The following FGD3 variants were observed in gnomAD, a reference collection of about 807,000 sequenced individuals.
FGD3 encodes FYVE, RhoGEF and PH domain-containing protein 3.
In FGD3, 45 loss-of-function variants were observed where a neutral mutation model predicts 71.8. The ratio of observed to expected loss-of-function variants is 0.63; its 90% confidence interval spans 0.49 to 0.80. FGD3 has a LOEUF of 0.80. FGD3 is among the 30% of genes least tolerant of loss of function. FGD3 has a pLI of 0.00. For missense variants in FGD3, 844 were observed against 951.5 expected, an observed-to-expected ratio of 0.89 and a Z score of 1.49; for synonymous variants, 378 against 392.8, an observed-to-expected ratio of 0.96 and a Z score of 0.44.
chr9:93,004,091 G>C lies in FGD3; in HGVS notation c.634G>C (p.Gly212Arg), dbSNP rs1221409347. 6.2e-7 allele frequency: 1 copy of C among 1,614,036 alleles called. No homozygotes were observed. Residue 212 changes from glycine (G) to arginine (R), a missense_variant, in exon 5 of 18, where the codon GGG becomes CGG. Coordinates refer to ENST00000375482, the MANE Select transcript of FGD3 (RefSeq NM_001083536.2). Reference sequence around the variant, plus strand: ...CATCTCCTCCATCCACCGCTTCCACGGGCAGTTCCTGCTGCCGGAGCTGAA... The same window carrying C: ...CATCTCCTCCATCCACCGCTTCCACCGGCAGTTCCTGCTGCCGGAGCTGAA... Reference protein sequence around the residue: ...SNISSIHRFHGQFLLPELKTR... With the variant: ...SNISSIHRFHRQFLLPELKTR...
intron 14 of FGD3, 40 bp from the exon 15 acceptor site, chr9:93,029,834 A>C (rs1458119796): frequency 1.3e-6 from 2 of 1,599,932 alleles, no homozygotes; most frequent in Non-Finnish European, 1.7e-6. Context: ...GGGTGCACAC[A>C]TGATTCAGAA....
chr9:92,969,143 G>C lies in FGD3; in HGVS notation c.-217-6095G>C, dbSNP rs1041284986. On this transcript the variant is annotated intron_variant, in intron 1 of 17. Coordinates refer to ENST00000375482, the MANE Select transcript of FGD3 (RefSeq NM_001083536.2). The surrounding 1 kb of genome is among the most constrained non-coding windows in gnomAD (Gnocchi z 4.5). ...CTATCACAGGGTAACCCACAAGGGA[G>C]ATCTTGTCGTCATCATCCCTCATGA... Among the ~76,000 whole-genome samples, 1 of 152,272 alleles carries C rather than the reference G, an allele frequency of 6.6e-6. No individual in the cohort carries two copies. Among genetic ancestry groups the C allele is most frequent in the Admixed American group, 6.5e-5 (1 of 15,282 alleles).
At chr9:92,991,610 G>C (rs1234210694) in intron 3 of FGD3, among the ~76,000 whole-genome samples, 2 of 152,134 alleles carry the variant, frequency 1.3e-5, no homozygotes, top group African/African-American at 2.4e-5. Context: ...GGGTACATGA[G>C]AAGAATGTGT....
intron 2 of FGD3, among the ~76,000 whole-genome samples, chr9:92,975,967 C>T (rs1484439179): frequency 2.6e-5 from 4 of 152,122 alleles, no homozygotes; most frequent in South Asian, 4.1e-4. Flanking sequence ...TTTTTTTATG[C>T]GGAACAAACA....
intron 3 of FGD3, among the ~76,000 whole-genome samples, chr9:92,978,804 C>T (rs1024691817): frequency 7.9e-6 from 1 of 126,468 alleles, no homozygotes; most frequent in East Asian, 2.6e-4. Context: ...CCTCTCCTTC[C>T]CTTCCCTTTC....
intron 1 of FGD3, among the ~76,000 whole-genome samples, chr9:92,968,249 T>A (rs554351586): frequency 1.3e-5 from 2 of 152,258 alleles, no homozygotes; most frequent in South Asian, 4.1e-4. Context: ...ACTCATACAG[T>A]CTTAAACAGT....
intron 6 of FGD3, among the ~76,000 whole-genome samples, chr9:93,007,907 G>A (rs1024866129): frequency 1.3e-5 from 2 of 152,182 alleles, no homozygotes; most frequent in East Asian, 3.9e-4. Context: ...GCCCACCGCA[G>A]AGAATTCTCC....
intron 17 of FGD3, 56 bp from the exon 18 acceptor site, chr9:93,035,282 G>T: frequency 6.4e-7 from 1 of 1,568,792 alleles, no homozygotes. Context: ...CATCACTGAG[G>T]TGAGCCCGAG....
At chr9:92,951,755 C>T (rs1858958448) in intron 1 of FGD3, among the ~76,000 whole-genome samples, 1 of 152,114 alleles carries the variant, frequency 6.6e-6, no homozygotes, top group African/African-American at 2.4e-5. Flanking sequence ...TGTTCTTGGT[C>T]CTTGAAACAC....
chr9:93,034,442 T>A (rs1862505112), intron 16 of FGD3, 99 bp from the exon 17 acceptor site: 2 of 1,426,684 alleles, frequency 1.4e-6, no homozygotes, highest in African/African-American at 1.5e-5. Context: ...CACAGCCAGC[T>A]CCCCCCAAGC....
intron 1 of FGD3, among the ~76,000 whole-genome samples, chr9:92,956,285 G>A (rs1289505830): frequency 6.6e-6 from 1 of 152,154 alleles, no homozygotes; most frequent in African/African-American, 2.4e-5. Flanking sequence ...CCACTGTGTT[G>A]AATAAGAGTG....
At position 93,002,995 on chromosome 9, in the gene FGD3, G is replaced by A. The variant is rs747350454; in HGVS notation, c.524G>A (p.Arg175Gln). The part of the protein sequence containing the change: ...LLHTEETYVK[R>Q]LHLLDQVFCT... ...CACACCGAGGAGACCTATGTGAAGC[G>A]GCTGCACCTGCTGGACCAGGTAGCC... The change falls in exon 4 of 18, where the codon CGG becomes CAG. Residue 175 changes from arginine to glutamine, a missense_variant. Transcript: ENST00000375482. 24 of 1,614,160 alleles carry A rather than the reference G, an allele frequency of 1.5e-5. No individual in the cohort carries two copies. Among genetic ancestry groups the A allele is most frequent in the Non-Finnish European group, 1.9e-5 (22 of 1,180,030 alleles).
At chr9:92,968,857 C>A (rs1362390363) in intron 1 of FGD3, among the ~76,000 whole-genome samples, 1 of 152,136 alleles carries the variant, frequency 6.6e-6, no homozygotes, top group African/African-American at 2.4e-5. Flanking sequence ...TGCCAAAGTG[C>A]CTTAGCCTCC....
intron 14 of FGD3, among the ~76,000 whole-genome samples, chr9:93,024,126 G>T (rs925712398): frequency 6.6e-6 from 1 of 152,136 alleles, no homozygotes; most frequent in Non-Finnish European, 1.5e-5. Context: ...TTTTTGTATT[G>T]CCAAACAGTA....
At chr9:93,032,906 T>A in intron 16 of FGD3, 33 bp downstream of exon 16, 2 of 1,586,968 alleles carry the variant, frequency 1.3e-6, no homozygotes, top group South Asian at 1.1e-5. Flanking sequence ...CCCCTCCTGG[T>A]GGCGCGGCAG....
At chr9:92,959,422 G>A (rs76008366) in intron 1 of FGD3, among the ~76,000 whole-genome samples, 2,460 of 152,004 alleles carry the variant, frequency 0.016, 59 homozygotes, top group African/African-American at 0.054. Flanking sequence ...CTGACATTGG[G>A]CAAGGCTCGG....
intron 1 of FGD3, among the ~76,000 whole-genome samples, chr9:92,966,866 A>G (rs1026968799): frequency 6.6e-6 from 1 of 152,236 alleles, no homozygotes; most frequent in Non-Finnish European, 1.5e-5. Flanking sequence ...AAAACTTCTC[A>G]TGAGAATCTT....
At chr9:93,011,616 G>C (rs1861386400) in intron 8 of FGD3, among the ~76,000 whole-genome samples, 1 of 152,222 alleles carries the variant, frequency 6.6e-6, no homozygotes, top group Non-Finnish European at 1.5e-5. Flanking sequence ...CCAGCACTTT[G>C]GGAGGCCGAG....
chr9:93,022,314 G>A lies in FGD3; in HGVS notation c.1495-13G>A. 1 of 1,609,540 alleles carries A rather than the reference G, an allele frequency of 6.2e-7. No individual in the cohort carries two copies. Among genetic ancestry groups the A allele is most frequent in the Non-Finnish European group, 8.5e-7 (1 of 1,177,510 alleles). ...TGGAATCTCCTCTCACTCGGCCTCT[G>A]TGTCCCTTCTAGATCACGAGCACCA... On this transcript the variant is annotated splice_polypyrimidine_tract_variant and intron_variant, in intron 13 of 17. Coordinates refer to ENST00000375482, the MANE Select transcript of FGD3 (RefSeq NM_001083536.2).
Sources: allele counts gnomAD v4.1 joint callset (sites outside exome capture counted in the v4.1 genomes callset), GRCh38; gene constraint gnomAD v4.1.1; non-coding constraint Gnocchi (gnomAD v3.1); transcripts MANE v1.5; gene names NCBI Gene and HGNC (gene_info 2026-07-23, HGNC 2026-07-21).